NME7: variants seen among roughly 807,000 people sequenced by gnomAD.
The protein encoded by NME7 is nucleoside diphosphate kinase 7.
Under a neutral mutation model 49.1 loss-of-function variants are expected in NME7, and 41 were observed. That is an observed-to-expected ratio of 0.83 (90% confidence interval 0.65 to 1.08). The LOEUF is 1.08. Among genes scored for constraint, NME7 ranks in the 50% least tolerant of loss-of-function variants. NME7 has a pLI of 0.00. For synonymous variants in NME7, 139 were observed against 150.6 expected (o/e 0.92, Z 0.56); for missense variants, 423 against 463.4 (o/e 0.91, Z 0.80).
intron 7 of NME7, among the ~76,000 whole-genome samples, chr1:169,263,706 C>T (rs1649232137): frequency 7.5e-6 from 1 of 133,024 alleles, no homozygotes; most frequent in African/African-American, 2.5e-5. Flanking sequence ...TGAGAATTTC[C>T]TCAACCTAGC....
chr1:169,194,012 T>G (rs1660305603), intron 10 of NME7, among the ~76,000 whole-genome samples: 1 of 151,968 alleles, frequency 6.6e-6, no homozygotes, highest in African/African-American at 2.4e-5. Context: ...AAGGCACTTT[T>G]TATGAGAATC....
At chr1:169,202,795 G>A (rs908253009) in intron 10 of NME7, among the ~76,000 whole-genome samples, 10 of 152,166 alleles carry the variant, frequency 6.6e-5, no homozygotes, top group African/African-American at 2.2e-4. Flanking sequence ...TTGGAGGGAG[G>A]GGTAAAGGGA....
chr1:169,252,838 T>C (rs1352296222), intron 7 of NME7, among the ~76,000 whole-genome samples: 1 of 148,808 alleles, frequency 6.7e-6, no homozygotes, highest in Non-Finnish European at 1.5e-5. Context: ...CCATTGCTTG[T>C]TTTTCTCAGG....
At chr1:169,153,959 T>G (rs1658989933) in intron 11 of NME7, among the ~76,000 whole-genome samples, 1 of 149,488 alleles carries the variant, frequency 6.7e-6, no homozygotes, top group Non-Finnish European at 1.5e-5. Context: ...CTTGCCTTGG[T>G]CTTTCAAAGT....
intron 7 of NME7, among the ~76,000 whole-genome samples, chr1:169,274,783 G>C (rs888262860): frequency 7.5e-6 from 1 of 133,160 alleles, no homozygotes; most frequent in Non-Finnish European, 1.8e-5. Flanking sequence ...TTGTAGATAT[G>C]TGGCATTATT....
Position 169,139,459 on chromosome 1 carries a change from T to C in NME7, c.1099-6642A>G, listed in dbSNP as rs180991255. On this transcript the variant is annotated intron_variant, in intron 11 of 11. Coordinates refer to ENST00000367811, the MANE Select transcript of NME7 (RefSeq NM_013330.5). Reference sequence around the variant, plus strand: ...GCTCACACTAGGGATGTAGCCTGGCTGTTGGAATTTGACTCCTAGCCCTGC... The same window carrying C: ...GCTCACACTAGGGATGTAGCCTGGCCGTTGGAATTTGACTCCTAGCCCTGC... Among the ~76,000 whole-genome samples, 43 of 152,330 alleles carry C rather than the reference T, an allele frequency of 2.8e-4. No homozygotes were observed. In the East Asian group the frequency reaches 7.1e-3, roughly 25 times the overall value.
intron 7 of NME7, among the ~76,000 whole-genome samples, chr1:169,259,081 T>C (rs560890821): frequency 7.4e-6 from 1 of 134,234 alleles, no homozygotes; most frequent in East Asian, 2.0e-4. Context: ...TTTTAAATTG[T>C]AAAATATTGA....
At chr1:169,147,160 C>T (rs1658781172) in intron 11 of NME7, among the ~76,000 whole-genome samples, 1 of 152,154 alleles carries the variant, frequency 6.6e-6, no homozygotes, top group African/African-American at 2.4e-5. Context: ...TATTTTTAAT[C>T]TAAAACTGAG....
intron 11 of NME7, chr1:169,168,825 T>G (rs1326848226): frequency 8.8e-6 from 4 of 454,984 alleles, no homozygotes; most frequent in South Asian, 6.2e-5. Flanking sequence ...TTTTTTCTAT[T>G]TTTTTGATAT....
chr1:169,295,540 C>T (rs1650676047), intron 6 of NME7, among the ~76,000 whole-genome samples: 1 of 152,082 alleles, frequency 6.6e-6, no homozygotes, highest in South Asian at 2.1e-4. Context: ...TAAATGTCTA[C>T]TACTAAGATA....
intron 1 of NME7, among the ~76,000 whole-genome samples, chr1:169,355,718 C>T (rs74121627): frequency 0.021 from 3,132 of 152,058 alleles, 116 homozygotes; most frequent in African/African-American, 0.072. Flanking sequence ...TGTAAGGAGG[C>T]TTCTCTGACC....
intron 10 of NME7, among the ~76,000 whole-genome samples, chr1:169,218,422 C>A (rs554368089): frequency 6.6e-6 from 1 of 152,058 alleles, no homozygotes; most frequent in South Asian, 2.1e-4. Context: ...CTCCTCTCTA[C>A]AAAATATTTT....
chr1:169,349,893 G>C (rs1653089009), intron 1 of NME7, among the ~76,000 whole-genome samples: 1 of 152,086 alleles, frequency 6.6e-6, no homozygotes, highest in Admixed American at 6.6e-5. Context: ...CTACAAGAGT[G>C]AGTAAGAAAT....
chr1:169,298,773 A>T lies in NME7; in HGVS notation c.441-10T>A, dbSNP rs1298073391. ...AAACTGGATCAGCTCACTACAAAAC[A>T]GATAGAAGATTAGTTTGCTTCTTTT... is the stretch of plus-strand genomic sequence containing the variant. On this transcript the variant is annotated splice_polypyrimidine_tract_variant and intron_variant, in intron 5 of 11. Coordinates refer to ENST00000367811, the MANE Select transcript of NME7 (RefSeq NM_013330.5). The T allele has an allele frequency of 6.2e-7, 1 of 1,608,050 alleles. No individual in the cohort carries two copies. Among genetic ancestry groups the T allele is most frequent in the East Asian group, 2.2e-5 (1 of 44,814 alleles).
rs1322862956 is a variant in NME7 at position 169,342,591 on chromosome 1, C to T, written c.4-18091G>A. Among the ~76,000 whole-genome samples, 99 of 54,170 alleles carry T rather than the reference C, an allele frequency of 1.8e-3. 9 individuals are homozygous for T. The highest frequency in any genetic ancestry group is 6.1e-3 in the South Asian group (12 of 1,970). The allele number at this position is 54,170 out of a possible 152,430, so 35.5% of individuals were successfully genotyped here. On this transcript the variant is annotated intron_variant, in intron 1 of 11. Coordinates refer to ENST00000367811, the MANE Select transcript of NME7 (RefSeq NM_013330.5). ...CATATATATAGTATATATATATATA[C>T]AAGTACATATATATAGTATATATAT... is the stretch of plus-strand genomic sequence containing the variant.
At chr1:169,227,398 CAT>C (rs1647393755) in intron 10 of NME7, among the ~76,000 whole-genome samples, 1 of 152,184 alleles carries the variant, frequency 6.6e-6, no homozygotes, top group Non-Finnish European at 1.5e-5. Flanking sequence ...ACATTTGTCA[CAT>C]ATCTTAGTCC....
intron 10 of NME7, among the ~76,000 whole-genome samples, chr1:169,199,058 C>T (rs1204051221): frequency 2.6e-5 from 4 of 152,024 alleles, no homozygotes; most frequent in Non-Finnish European, 5.9e-5. Context: ...AATACTTAAA[C>T]GTACTTAAAG....
rs1024149625 is a variant in NME7 at position 169,257,212 on chromosome 1, C to T, written c.755-19525G>A. ...CTCAGACTGCTGTGCTGGCAATCGG[C>T]GAGACTCCGTGGGCATAGGACCCTC... On this transcript the variant is annotated intron_variant, in intron 7 of 11. Transcript: ENST00000367811. 6.7e-5 allele frequency among the ~76,000 whole-genome samples: 9 copies of T among 134,054 alleles called. 2 individuals are homozygous for T. Among genetic ancestry groups the T allele is most frequent in the South Asian group, 4.6e-4 (2 of 4,334 alleles). The allele number at this position is 134,054 out of a possible 152,430, so 87.9% of individuals were successfully genotyped here.
intron 1 of NME7, among the ~76,000 whole-genome samples, chr1:169,353,939 A>C (rs1653281439): frequency 6.6e-6 from 1 of 152,134 alleles, no homozygotes; most frequent in African/African-American, 2.4e-5. Flanking sequence ...GGGAACACTC[A>C]TACACTGTTG....
Sources: allele counts gnomAD v4.1 joint callset (sites outside exome capture counted in the v4.1 genomes callset), GRCh38; gene constraint gnomAD v4.1.1; transcripts MANE v1.5; gene names NCBI Gene and HGNC (gene_info 2026-07-23, HGNC 2026-07-21).